The following GSG1L variants were observed in gnomAD, a reference collection of about 807,000 sequenced individuals.
GSG1L encodes GSG1 like.
Under a neutral mutation model 42.1 loss-of-function variants are expected in GSG1L, and 24 were observed. The ratio of observed to expected loss-of-function variants is 0.57; its 90% CI spans 0.41 to 0.80. The LOEUF is 0.80. Among genes scored for constraint, GSG1L ranks in the 30% least tolerant of loss-of-function variants. GSG1L has a pLI of 0.00. For synonymous variants in GSG1L, 215 were observed against 203.5 expected (o/e 1.06, Z -0.48); for missense variants, 445 against 472.2 (o/e 0.94, Z 0.53).
At position 27,946,680 on chromosome 16, in the gene GSG1L, GAAAGAAAGAAAGAATT is replaced by G. The variant is rs1416711417; in HGVS notation, c.397+16460_397+16475del. Among the ~76,000 whole-genome samples the G allele has an allele frequency of 7.5e-4, 111 of 147,176 alleles. 3 individuals carry two copies. Among genetic ancestry groups the G allele is most frequent in the African/African-American group, 1.7e-3 (70 of 40,206 alleles). On this transcript the variant is annotated intron_variant, in intron 2 of 6. Coordinates refer to ENST00000447459, the MANE Select transcript of GSG1L (RefSeq NM_001109763.2). ...GAAAAGAAAGAAAGAAAGAAAGAAA[GAAAGAAAGAAAGAATT>G]AAATGAAGCAAGGGGTATGAGAGTA...
chr16:27,922,351 C>T (rs962954715), intron 2 of GSG1L, among the ~76,000 whole-genome samples: 4 of 152,138 alleles, frequency 2.6e-5, no homozygotes, highest in Non-Finnish European at 4.4e-5. Context: ...ACAAAATATT[C>T]CCCAGCATGG....
At chr16:27,941,757 C>A (rs878876241) in intron 2 of GSG1L, among the ~76,000 whole-genome samples, 1 of 151,666 alleles carries the variant, frequency 6.6e-6, no homozygotes, top group South Asian at 2.1e-4. Flanking sequence ...TACATCCATG[C>A]GATGGCATAT....
At chr16:27,850,896 C>T (rs1432372306) in intron 3 of GSG1L, among the ~76,000 whole-genome samples, 1 of 151,686 alleles carries the variant, frequency 6.6e-6, no homozygotes, top group Non-Finnish European at 1.5e-5. Flanking sequence ...CAGACTCAGC[C>T]TCCCAAAGCT....
At chr16:27,819,200 A>C (rs985492303) in intron 5 of GSG1L, among the ~76,000 whole-genome samples, 1 of 152,058 alleles carries the variant, frequency 6.6e-6, no homozygotes, top group Non-Finnish European at 1.5e-5. Flanking sequence ...CAGTGAGCCA[A>C]GATCACGCCA....
intron 5 of GSG1L, among the ~76,000 whole-genome samples, chr16:27,825,487 C>A (rs1171982764): frequency 2.0e-5 from 3 of 152,096 alleles, no homozygotes; most frequent in Non-Finnish European, 4.4e-5. Context: ...CTGGGACAAC[C>A]AATAGCAAGG....
At chr16:28,000,009 T>C (rs2141142981) in intron 1 of GSG1L, among the ~76,000 whole-genome samples, 1 of 152,352 alleles carries the variant, frequency 6.6e-6, no homozygotes, top group Admixed American at 6.5e-5. Context: ...AATCATCATC[T>C]TCCTCATCAT....
intron 1 of GSG1L, among the ~76,000 whole-genome samples, chr16:28,053,877 G>C (rs866115591): frequency 6.6e-6 from 1 of 152,136 alleles, no homozygotes; most frequent in Non-Finnish European, 1.5e-5. Context: ...CGGTGCACGT[G>C]CCTCGATCTC....
At chr16:27,820,567 C>T (rs2083140965) in intron 5 of GSG1L, among the ~76,000 whole-genome samples, 2 of 152,166 alleles carry the variant, frequency 1.3e-5, no homozygotes, top group African/African-American at 2.4e-5. Flanking sequence ...ATGCGGTTGA[C>T]GTGCCCATCC....
intron 2 of GSG1L, among the ~76,000 whole-genome samples, chr16:27,944,386 C>T (rs2084839467): frequency 6.6e-6 from 1 of 151,984 alleles, no homozygotes; most frequent in Non-Finnish European, 1.5e-5. Flanking sequence ...CTTTGGGAGG[C>T]CGAGGCGGGA....
Position 27,987,824 on chromosome 16 carries a change from G to A in GSG1L, c.350-24621C>T, listed in dbSNP as rs541811187. 7.9e-5 allele frequency among the ~76,000 whole-genome samples: 12 copies of A among 152,074 alleles called. No individual in the cohort carries two copies. In the East Asian group the frequency reaches 2.3e-3, roughly 29 times the overall value. On this transcript the variant is annotated intron_variant, in intron 1 of 6. Coordinates refer to ENST00000447459, the MANE Select transcript of GSG1L (RefSeq NM_001109763.2). ...TAGCCGAGCGTGGTGGCGCATGCCTGTAGTCCCAGCTACTCGGGAGGCTGA... is the reference window on the plus strand; with the variant it reads ...TAGCCGAGCGTGGTGGCGCATGCCTATAGTCCCAGCTACTCGGGAGGCTGA...
chr16:27,854,887 G>A (rs34624657), intron 3 of GSG1L, among the ~76,000 whole-genome samples: 7,033 of 152,014 alleles, frequency 0.046, 255 homozygotes, highest in Admixed American at 0.11. Context: ...AGGAGAGCGG[G>A]GAAAGCCACC....
intron 6 of GSG1L, among the ~76,000 whole-genome samples, chr16:27,806,334 G>A (rs775628352): frequency 3.3e-5 from 5 of 152,150 alleles, no homozygotes; most frequent in Non-Finnish European, 7.4e-5. Context: ...CACTAGCAGA[G>A]CCATTTCTCA....
At chr16:27,975,628 T>G (rs1230599387) in intron 1 of GSG1L, among the ~76,000 whole-genome samples, 2 of 152,208 alleles carry the variant, frequency 1.3e-5, no homozygotes, top group South Asian at 4.1e-4. Context: ...GGAGGCTGCG[T>G]ACCCTGAAAT....
At chr16:27,875,289 G>T (rs1054768977) in intron 3 of GSG1L, among the ~76,000 whole-genome samples, 2 of 152,064 alleles carry the variant, frequency 1.3e-5, no homozygotes, top group African/African-American at 4.8e-5. Context: ...ACAGTTTTGG[G>T]GTGTGCTCTA....
intron 1 of GSG1L, among the ~76,000 whole-genome samples, chr16:27,982,439 T>G (rs966221660): frequency 6.6e-6 from 1 of 152,152 alleles, no homozygotes; most frequent in Non-Finnish European, 1.5e-5. Context: ...TGTGTGTGCG[T>G]GAAGTGAGGC....
At chr16:28,057,069 A>C in intron 1 of GSG1L, among the ~76,000 whole-genome samples, 1 of 152,168 alleles carries the variant, frequency 6.6e-6, no homozygotes, top group East Asian at 1.9e-4. Flanking sequence ...TGGCTGAAGA[A>C]GAGTGACTGT....
rs934543289 is a variant in GSG1L, at chr16:28,039,166, G to A, written c.349+23910C>T. On this transcript the variant is annotated intron_variant, in intron 1 of 6. Transcript: ENST00000447459. The stretch of plus-strand genomic sequence containing the variant: ...CTGTGTTAGGAAGGATTCTGAGGGA[G>A]CATCTGAGATTTGTAGAAAAAACAA... 2.0e-5 allele frequency among the ~76,000 whole-genome samples: 3 copies of A among 152,312 alleles called. No homozygotes were observed. The East Asian group carries it at 5.8e-4, about 29-fold the overall frequency.
chr16:27,906,150 AG>A (rs908309404), intron 2 of GSG1L, among the ~76,000 whole-genome samples: 37 of 152,330 alleles, frequency 2.4e-4, no homozygotes, highest in African/African-American at 8.7e-4. Flanking sequence ...TCGAAAGGTT[AG>A]GTTTCCAGAT....
chr16:27,809,571 C>T (rs1224526114), intron 5 of GSG1L, among the ~76,000 whole-genome samples: 2 of 119,762 alleles, frequency 1.7e-5, no homozygotes, highest in Non-Finnish European at 1.8e-5. Context: ...AGTGAGACCC[C>T]GTCTGAGAAA....
Sources: allele counts gnomAD v4.1 joint callset (sites outside exome capture counted in the v4.1 genomes callset), GRCh38; gene constraint gnomAD v4.1.1; transcripts MANE v1.5; gene names NCBI Gene and HGNC (gene_info 2026-07-23, HGNC 2026-07-21).